COBL: variants seen among roughly 807,000 people sequenced by gnomAD.
COBL encodes protein cordon-bleu.
COBL carries 51 observed loss-of-function variants against 98.8 expected under a neutral mutation model. That is an observed-to-expected ratio of 0.52 (90% CI 0.41 to 0.65). The LOEUF is 0.65. COBL is among the 30% of genes least tolerant of loss of function. COBL has a pLI of 0.00. For synonymous variants in COBL, 634 were observed against 651.7 expected, an observed-to-expected ratio of 0.97 and a Z score of 0.41; for missense variants, 1,617 against 1,617.5, an observed-to-expected ratio of 1.00 and a Z score of 0.01.
chr7:51,100,191 G>A (rs1043171372), intron 6 of COBL, among the ~76,000 whole-genome samples: 7 of 152,104 alleles, frequency 4.6e-5, no homozygotes, highest in African/African-American at 7.2e-5. Context: ...GTTTGCCCAC[G>A]TATTATTTTC....
At chr7:51,151,935 T>A (rs886792865) in intron 5 of COBL, among the ~76,000 whole-genome samples, 3 of 152,210 alleles carry the variant, frequency 2.0e-5, no homozygotes, top group African/African-American at 7.2e-5. Context: ...CTGTGGCCAT[T>A]CCTTAACTCA....
chr7:51,061,950 T>TACACACACACACACACATACACACACAC (rs1554364724), intron 7 of COBL, among the ~76,000 whole-genome samples: 1 of 145,448 alleles, frequency 6.9e-6, no homozygotes, highest in African/African-American at 2.7e-5. Context: ...CCACCATAGA[T>TACACACACACACACACATACACACACAC]ACACACACAC....
rs767293267 is a variant in COBL at position 51,136,152 on chromosome 7, C to A, written c.957+6G>T. ...CTTTGGTTGTGAGAACAGCCCACTG[C>A]CCTACCTTTTCCGATGCCTTGTCTT... is the stretch of plus-strand genomic sequence containing the variant. On this transcript the variant is annotated splice_donor_region_variant and intron_variant, in intron 6 of 12. Coordinates refer to ENST00000265136, the MANE Select transcript of COBL (RefSeq NM_015198.5). The A allele has an allele frequency of 5.0e-6, 8 of 1,609,520 alleles. No individual in the cohort carries two copies. The highest frequency in any genetic ancestry group is 6.8e-6 in the Non-Finnish European group (8 of 1,178,796).
In COBL at chr7:51,306,656, C is replaced by T. The variant is rs7794847; in HGVS notation, c.41+9937G>A. 4.2e-3 allele frequency among the ~76,000 whole-genome samples: 635 copies of T among 152,096 alleles called. 1 individual carries two copies. Among genetic ancestry groups the T allele is most frequent in the Non-Finnish European group, 6.3e-3 (425 of 67,988 alleles). On this transcript the variant is annotated intron_variant, in intron 1 of 12. Coordinates refer to ENST00000265136, the MANE Select transcript of COBL (RefSeq NM_015198.5). The stretch of plus-strand genomic sequence containing the variant: ...TTCATAACTGCTCTGTGCTCAGCAA[C>T]AGCTGAGTTTGGTCCTCTCCTATCA...
At chr7:51,031,122 G>A (rs531232880) in intron 8 of COBL, 10 of 562,716 alleles carry the variant, frequency 1.8e-5, no homozygotes, top group South Asian at 1.2e-4. Flanking sequence ...TGTGGGATGC[G>A]TGTAGCGTGT....
rs115613071 is a variant in COBL, at chr7:51,080,160, G to T, written c.1096+5006C>A. The stretch of plus-strand genomic sequence containing the variant: ...AGGTCAGGGAGGAGACAGGGGAATG[G>T]CTGGAACAGAATGGCTCAGAGTTGA... On this transcript the variant is annotated intron_variant, in intron 7 of 12. Transcript: ENST00000265136. Among the ~76,000 whole-genome samples, 1,066 of 152,302 alleles carry T rather than the reference G, an allele frequency of 7.0e-3. 13 individuals carry two copies. Among genetic ancestry groups the T allele is most frequent in the African/African-American group, 0.025 (1,032 of 41,544 alleles).
intron 1 of COBL, among the ~76,000 whole-genome samples, chr7:51,247,801 GT>G (rs1341972293): frequency 2.6e-5 from 4 of 152,146 alleles, no homozygotes; most frequent in African/African-American, 9.7e-5. Context: ...ACGCCAAAGG[GT>G]TATTCTACTT....
chr7:51,189,351 T>C (rs1050558092), intron 4 of COBL, among the ~76,000 whole-genome samples: 8 of 152,092 alleles, frequency 5.3e-5, no homozygotes, highest in African/African-American at 1.9e-4. Flanking sequence ...AGAAAAAATA[T>C]GGCCAGGCGC....
intron 1 of COBL, among the ~76,000 whole-genome samples, chr7:51,243,368 G>T (rs1236438516): frequency 6.6e-6 from 1 of 152,204 alleles, no homozygotes; most frequent in African/African-American, 2.4e-5. Context: ...ACACAGGGGT[G>T]ACGGTGATGT....
At chr7:51,200,649 AAG>A (rs1425137729) in intron 2 of COBL, among the ~76,000 whole-genome samples, 1 of 152,190 alleles carries the variant, frequency 6.6e-6, no homozygotes, top group Non-Finnish European at 1.5e-5. Flanking sequence ...AAAAAAGATT[AAG>A]AGAGAAGAAT....
chr7:51,168,344 G>A (rs753492603), intron 5 of COBL, among the ~76,000 whole-genome samples: 24 of 151,954 alleles, frequency 1.6e-4, no homozygotes, highest in Admixed American at 9.2e-4. Flanking sequence ...GCTGAGGCAG[G>A]AGAATCACTT....
At chr7:51,039,073 CTCTCTGGGCAGCCTCCT>C (rs1345771168) in intron 8 of COBL, among the ~76,000 whole-genome samples, 2 of 152,178 alleles carry the variant, frequency 1.3e-5, no homozygotes, top group African/African-American at 4.8e-5. Flanking sequence ...TGATCATGCC[CTCTCTGGGCAGCCTCCT>C]CTTGATCAAG....
At chr7:51,041,014 C>A (rs1280920884) in intron 8 of COBL, among the ~76,000 whole-genome samples, 1 of 152,180 alleles carries the variant, frequency 6.6e-6, no homozygotes. Context: ...AACTGCAGAA[C>A]AGACGTGGAG....
intron 3 of COBL, among the ~76,000 whole-genome samples, chr7:51,191,881 A>C (rs1790149908): frequency 6.6e-6 from 1 of 152,234 alleles, no homozygotes; most frequent in Admixed American, 6.5e-5. Flanking sequence ...ACAAAAGAGC[A>C]GCAAAGGAAG....
At chr7:51,273,285 G>A (rs1043118783) in intron 1 of COBL, among the ~76,000 whole-genome samples, 17 of 142,692 alleles carry the variant, frequency 1.2e-4, no homozygotes, top group Admixed American at 2.2e-4. Context: ...CTGAGATCGT[G>A]CCACTGCACT....
Position 51,191,098 on chromosome 7 carries a change from A to G in COBL, c.457-20T>C, listed in dbSNP as rs750645772. Reference sequence around the variant, plus strand: ...AGATTTCTGGAAGAACACACAGGCAAAAAGAATTCAGTAAGATATCCTCCC... The same window carrying G: ...AGATTTCTGGAAGAACACACAGGCAGAAAGAATTCAGTAAGATATCCTCCC... On this transcript the variant is annotated intron_variant, in intron 3 of 12. Coordinates refer to ENST00000265136, the MANE Select transcript of COBL (RefSeq NM_015198.5). 1.2e-6 allele frequency: 2 copies of G among 1,605,822 alleles called. No homozygotes were observed. The highest frequency in any genetic ancestry group is 1.7e-6 in the Non-Finnish European group (2 of 1,174,596).
chr7:51,018,906 ATATATATATATATATATATAT>A (rs1786608750), intron 12 of COBL, among the ~76,000 whole-genome samples: 10 of 33,806 alleles, frequency 3.0e-4, no homozygotes, highest in South Asian at 9.1e-4. Context: ...AAAAAAAAAA[ATATATATATATATATATATAT>A]ATATATATAT....
intron 1 of COBL, among the ~76,000 whole-genome samples, chr7:51,267,159 A>G (rs1258473776): frequency 6.6e-6 from 1 of 152,178 alleles, no homozygotes; most frequent in African/African-American, 2.4e-5. Context: ...TATCTCATTT[A>G]CTTTGATTTT....
intron 4 of COBL, among the ~76,000 whole-genome samples, chr7:51,187,355 CAT>C (rs1486053196): frequency 1.5e-4 from 22 of 149,180 alleles, no homozygotes; most frequent in Admixed American, 2.0e-4. Context: ...CACACACACA[CAT>C]ATATCTATAT....
Sources: allele counts gnomAD v4.1 joint callset (sites outside exome capture counted in the v4.1 genomes callset), GRCh38; gene constraint gnomAD v4.1.1; transcripts MANE v1.5; gene names NCBI Gene and HGNC (gene_info 2026-07-23, HGNC 2026-07-21).